CABP1: variants seen among roughly 807,000 people sequenced by gnomAD.
CABP1 encodes the protein calcium binding protein 1, also known as calcium-binding protein 1.
A neutral mutation model predicts 34.3 loss-of-function variants in CABP1; 17 were observed. The ratio of observed to expected loss-of-function variants is 0.50; its 90% CI spans 0.34 to 0.74. The LOEUF is 0.74. CABP1 is among the 30% of genes least tolerant of loss of function. The pLI, the probability that CABP1 is intolerant of heterozygous loss-of-function variation, is 0.01. For synonymous variants in CABP1, 198 were observed against 229.2 expected (o/e 0.86, Z 1.23); for missense variants, 373 against 511.1 (o/e 0.73, Z 2.61).
At chr12:120,663,440 A>G (rs545952029) in intron 5 of CABP1, among the ~76,000 whole-genome samples, 1 of 151,320 alleles carries the variant, frequency 6.6e-6, no homozygotes, top group African/African-American at 2.4e-5. Flanking sequence ...ATGCCTGGCT[A>G]ATTTTTTGTA....
Position 120,660,920 on chromosome 12 carries a change from C to A in CABP1, c.939+80C>A. 3 of 1,385,152 alleles carry A rather than the reference C, an allele frequency of 2.2e-6. No homozygotes were observed. Among genetic ancestry groups the A allele is most frequent in the African/African-American group, 1.4e-5 (1 of 70,428 alleles). The allele number at this position is 1,385,152 out of a possible 1,614,324, so 85.8% of individuals were successfully genotyped here. A position where few individuals can be genotyped will look rare whatever the true frequency, so the allele number is the denominator to read the frequency against. ...ATAAATACTTCAAAAGAAGCCTGAG[C>A]CTCAAGTCCCAGATCAGGGGAGGGA... On this transcript the variant is annotated intron_variant, in intron 4 of 5. Transcript: ENST00000316803. This position sits in a 1 kb window ranked among gnomAD's most constrained non-coding sequence, Gnocchi z 5.0.
intron 1 of CABP1, chr12:120,656,045 G>A (rs1880181968): frequency 6.2e-7 from 1 of 1,612,684 alleles, no homozygotes; most frequent in Non-Finnish European, 8.5e-7. Context: ...GCTGGGCAGG[G>A]AGGTGACACC....
intron 2 of CABP1, 49 bp downstream of exon 2, chr12:120,659,957 G>A: frequency 6.3e-7 from 1 of 1,583,466 alleles, no homozygotes; most frequent in Non-Finnish European, 8.6e-7. Context: ...CTCTAGGAAG[G>A]TGTGGGAAGG....
chr12:120,650,110 C>G (rs1326195335), intron 1 of CABP1: 1 of 157,218 alleles, frequency 6.4e-6, no homozygotes, highest in Admixed American at 6.1e-5. Flanking sequence ...CTTCGGGAAC[C>G]CAAACTAGCC....
chr12:120,647,384 G>GCAGACA (rs754899068), intron 1 of CABP1, among the ~76,000 whole-genome samples: 1 of 105,836 alleles, frequency 9.4e-6, no homozygotes, highest in Non-Finnish European at 2.0e-5. Flanking sequence ...CAGCAGACAA[G>GCAGACA]ATTTTTTTTT....
the CABP1 span, among the ~76,000 whole-genome samples, chr12:120,679,081 A>C: frequency 1.3e-5 from 2 of 151,500 alleles, no homozygotes; most frequent in Non-Finnish European, 2.9e-5. Flanking sequence ...TCCAAAAAAA[A>C]AAAAAAAAAA....
chr12:120,666,784 G>A (rs1236423485), intron 5 of CABP1, 91 bp from the exon 6 acceptor site: 10 of 1,375,474 alleles, frequency 7.3e-6, no homozygotes, highest in Admixed American at 2.0e-5. Flanking sequence ...CACAGAGTTG[G>A]GGCAGTGGCA....
Position 120,655,547 on chromosome 12 carries a change from C to T in CABP1, c.655-4331C>T, listed in dbSNP as rs143850510. ...ATGTGCAACCTCTGGTCTGGCAGAC[C>T]AGCCAAGCCTGGTCTCCATGCTGCC... On this transcript the variant is annotated intron_variant, in intron 1 of 5. Transcript: ENST00000316803. The T allele has an allele frequency of 2.4e-4, 287 of 1,212,122 alleles. 8 individuals carry two copies. The East Asian group carries it at 0.01, about 43-fold the overall frequency. The allele number at this position is 1,212,122 out of a possible 1,614,324, so 75.1% of individuals were successfully genotyped here.
At position 120,661,403 on chromosome 12, in the gene CABP1, A is replaced by G. The variant is rs1880622551; in HGVS notation, c.1087+185A>G. The G allele has an allele frequency of 5.0e-6, 3 of 602,136 alleles. No individual in the cohort carries two copies. The highest frequency in any genetic ancestry group is 5.8e-6 in the Non-Finnish European group (2 of 347,198). The allele number at this position is 602,136 out of a possible 1,614,324, so 37.3% of individuals were successfully genotyped here. A position where few individuals can be genotyped will look rare whatever the true frequency, so the allele number is the denominator to read the frequency against. On this transcript the variant is annotated intron_variant, in intron 5 of 5. Coordinates refer to ENST00000316803, the MANE Select transcript of CABP1 (RefSeq NM_001033677.2). The surrounding 1 kb of genome is among the most constrained non-coding windows in gnomAD (Gnocchi z 5.1). ...TCTCCCATCCCTTCCCCATGCATCT[A>G]TTCATGCATCTGTCCATCCATCTAT...
intron 1 of CABP1, chr12:120,656,097 G>T: frequency 6.2e-7 from 1 of 1,614,188 alleles, no homozygotes. Flanking sequence ...CTGAAGATGT[G>T]CCAGGAGGAA....
chr12:120,660,368 C>T lies in CABP1; in HGVS notation c.829+29C>T, dbSNP rs750624490. ...AGTCCCTCTACCAGGCATCTGCGTC[C>T]CTTCGGTCCTCACCCTTGCCGTCCT... On this transcript the variant is annotated intron_variant, in intron 3 of 5. Transcript: ENST00000316803. This position sits in a 1 kb window ranked among gnomAD's most constrained non-coding sequence, Gnocchi z 5.0. The T allele has an allele frequency of 4.4e-5, 71 of 1,605,190 alleles. No individual in the cohort carries two copies. Among genetic ancestry groups the T allele is most frequent in the Non-Finnish European group, 5.8e-5 (68 of 1,177,150 alleles).
chr12:120,647,755 T>A (rs1879617223), intron 1 of CABP1, among the ~76,000 whole-genome samples: 1 of 150,342 alleles, frequency 6.7e-6, no homozygotes, highest in Non-Finnish European at 1.5e-5. Flanking sequence ...TTTTTTTTTT[T>A]TTTTTTAGTA....
chr12:120,659,707 G>A (rs1709198047), intron 1 of CABP1, 171 bp from the exon 2 acceptor site: 1 of 594,490 alleles, frequency 1.7e-6, no homozygotes, highest in Admixed American at 3.3e-5. Flanking sequence ...TATGTCTAAG[G>A]GAGATGTGGG....
rs117706150 is a variant in CABP1 at position 120,654,611 on chromosome 12, C to G, written c.655-5267C>G. Among the ~76,000 whole-genome samples, 19 of 150,904 alleles carry G rather than the reference C, an allele frequency of 1.3e-4. 1 individual carries two copies. In the East Asian group the frequency reaches 3.3e-3, roughly 26 times the overall value. On this transcript the variant is annotated intron_variant, in intron 1 of 5. Coordinates refer to ENST00000316803, the MANE Select transcript of CABP1 (RefSeq NM_001033677.2). ...AAGGTCCTACTCTAGCTAAATCCCC[C>G]CACATTGAAGGAAGGTATGTAAGCT...
At chr12:120,646,956 C>A (rs1879566162) in intron 1 of CABP1, among the ~76,000 whole-genome samples, 1 of 152,218 alleles carries the variant, frequency 6.6e-6, no homozygotes, top group Non-Finnish European at 1.5e-5. Flanking sequence ...AAGGTAGTAT[C>A]AGCTCCTGCA....
rs900837826 is a variant in CABP1 at position 120,641,967 on chromosome 12, A to G, written c.654+628A>G. ...GTTTAAGGAGGCTGTCACTCTAGGG[A>G]TGCCATTGGAAGGGTGAGAAAGGCC... On this transcript the variant is annotated intron_variant, in intron 1 of 5. Coordinates refer to ENST00000316803, the MANE Select transcript of CABP1 (RefSeq NM_001033677.2). This position sits in a 1 kb window ranked among gnomAD's most constrained non-coding sequence, Gnocchi z 6.7. Among the ~76,000 whole-genome samples the G allele has an allele frequency of 6.6e-6, 1 of 152,078 alleles. No individual in the cohort carries two copies. Among genetic ancestry groups the G allele is most frequent in the Non-Finnish European group, 1.5e-5 (1 of 68,016 alleles).
At chr12:120,670,136 A>G (rs1881201161), downstream of CABP1, among the ~76,000 whole-genome samples, 1 of 151,868 alleles carries the variant, frequency 6.6e-6, no homozygotes, top group South Asian at 2.1e-4. Flanking sequence ...CTGCATAACT[A>G]GGACTACAGA....
intron 1 of CABP1, among the ~76,000 whole-genome samples, chr12:120,642,502 C>G: frequency 6.6e-6 from 1 of 152,264 alleles, no homozygotes. Context: ...ATTTGGGTTG[C>G]GTGGTGCTGC....
chr12:120,640,789 C>T lies in CABP1; in HGVS notation c.104C>T (p.Ala35Val), dbSNP rs1391290445. 4 of 1,122,758 alleles carry T rather than the reference C, an allele frequency of 3.6e-6. No homozygotes were observed. The African/African-American group carries it at 5.0e-5, about 14-fold the overall frequency. The allele number at this position is 1,122,758 out of a possible 1,614,324, so 69.5% of individuals were successfully genotyped here. A position where few individuals can be genotyped will look rare whatever the true frequency, so the allele number is the denominator to read the frequency against. ...GSRREPRSLP[A>V]GGPAPRRTAP... ...CGCCGGGAGCCCCGTTCTCTGCCCG[C>T]CGGGGGCCCCGCGCCGCGCCGCACC... The change falls in exon 1 of 6, where the codon GCC becomes GTC. Residue 35 changes from alanine (A) to valine (V), a missense_variant. Coordinates refer to ENST00000316803, the MANE Select transcript of CABP1 (RefSeq NM_001033677.2). This position sits in a 1 kb window ranked among gnomAD's most constrained non-coding sequence, Gnocchi z 6.2.
Sources: allele counts gnomAD v4.1 joint callset (sites outside exome capture counted in the v4.1 genomes callset), GRCh38; gene constraint gnomAD v4.1.1; non-coding constraint Gnocchi (gnomAD v3.1); transcripts MANE v1.5; gene names NCBI Gene and HGNC (gene_info 2026-07-23, HGNC 2026-07-21).